RANBP1: variants seen among roughly 807,000 people sequenced by gnomAD.
RANBP1 encodes ran-specific GTPase-activating protein.
A neutral mutation model predicts 31.4 loss-of-function variants in RANBP1; 16 were observed. The ratio of observed to expected loss-of-function variants is 0.51; its 90% confidence interval spans 0.34 to 0.77. The LOEUF is 0.77. RANBP1 is among the 30% of genes least tolerant of loss of function. RANBP1 has a pLI of 0.01. For missense variants in RANBP1, 265 were observed against 362.0 expected (o/e 0.73, Z 2.17); for synonymous variants, 129 against 140.5 (o/e 0.92, Z 0.58).
At chr22:20,122,946 G>T (rs1252670711) in intron 3 of RANBP1, among the ~76,000 whole-genome samples, 3 of 121,162 alleles carry the variant, frequency 2.5e-5, no homozygotes, top group Admixed American at 8.1e-5. Flanking sequence ...GGGTTGTGTG[G>T]TTGGGTGTGG....
At chr22:20,118,960 G>C in intron 1 of RANBP1, 53 bp from the exon 2 acceptor site, 1 of 1,585,726 alleles carries the variant, frequency 6.3e-7, no homozygotes, top group Non-Finnish European at 8.6e-7. Flanking sequence ...GTTGGGCTCT[G>C]GTTGTGAGCC....
chr22:20,118,468 A>T (rs2050098574), intron 1 of RANBP1, among the ~76,000 whole-genome samples: 1 of 152,250 alleles, frequency 6.6e-6, no homozygotes, highest in Non-Finnish European at 1.5e-5. Flanking sequence ...AGAGCTGTGA[A>T]TCCAGTGTAA....
At chr22:20,124,115 T>C (rs1287469574) in intron 3 of RANBP1, 1 of 152,676 alleles carries the variant, frequency 6.5e-6, no homozygotes, top group Non-Finnish European at 1.5e-5. Context: ...AAGCTTGCAC[T>C]CTGGCTGGTC....
intron 1 of RANBP1, 60 bp from the exon 2 acceptor site, chr22:20,118,942 AGGCACTGGTTG>A: frequency 6.7e-7 from 1 of 1,491,858 alleles, no homozygotes; most frequent in Non-Finnish European, 9.2e-7. Flanking sequence ...TGACCACTGC[AGGCACTGGTTG>A]GGCTCTGGTT....
chr22:20,117,748 G>A lies in RANBP1; in HGVS notation c.247-1265G>A. On this transcript the variant is annotated intron_variant, in intron 1 of 5. Coordinates refer to ENST00000430524, the MANE Select transcript of RANBP1 (RefSeq NM_001278639.2). ...GGCCACGTGGGCGGCCCGCGCCGCC[G>A]CCACCAACCTCCGCCGGCCTGCAGG... 6 of 1,081,982 alleles carry A rather than the reference G, an allele frequency of 5.5e-6. No individual in the cohort carries two copies. The South Asian group carries it at 1.3e-4, about 24-fold the overall frequency. 67.0% of individuals were successfully genotyped at this position (1,081,982 alleles called of 1,614,324 possible).
intron 4 of RANBP1, chr22:20,125,677 G>T: frequency 7.2e-7 from 1 of 1,384,366 alleles, no homozygotes; most frequent in Non-Finnish European, 9.4e-7. Context: ...TGCCCGCTCA[G>T]CCGCCTTGTG....
At chr22:20,116,967 C>G (rs2050046230) in intron 1 of RANBP1, 3 of 1,558,232 alleles carry the variant, frequency 1.9e-6, no homozygotes. Flanking sequence ...CCACCTCGTC[C>G]TGGGCCTGTC....
chr22:20,126,671 C>T lies in RANBP1; in HGVS notation c.737-281C>T, dbSNP rs916801030. 1.1e-5 allele frequency: 16 copies of T among 1,509,800 alleles called. No individual in the cohort carries two copies. The African/African-American group carries it at 2.2e-4, about 21-fold the overall frequency. 93.5% of individuals were successfully genotyped at this position (1,509,800 alleles called of 1,614,324 possible). A position where few individuals can be genotyped will look rare whatever the true frequency, so the allele number is the denominator to read the frequency against. ...TGTCTCTCAGAGGGCTTGGTCACCTCTGCCATGAGGCTGGACTGCAGCTGT... is the reference window on the plus strand; with the variant it reads ...TGTCTCTCAGAGGGCTTGGTCACCTTTGCCATGAGGCTGGACTGCAGCTGT... On this transcript the variant is annotated intron_variant, in intron 5 of 5. Coordinates refer to ENST00000430524, the MANE Select transcript of RANBP1 (RefSeq NM_001278639.2).
At chr22:20,117,513 C>T (rs1366935876) in intron 1 of RANBP1, 5 of 966,380 alleles carry the variant, frequency 5.2e-6, no homozygotes, top group South Asian at 1.9e-5. Flanking sequence ...AGGTTCGGGT[C>T]GTGGGGCGGA....
In RANBP1 at chr22:20,116,761, C is replaced by T. The variant is rs1215439572; in HGVS notation, c.246+331C>T. 4.2e-6 allele frequency: 6 copies of T among 1,429,924 alleles called. No individual in the cohort carries two copies. The African/African-American group carries it at 4.2e-5, about 10-fold the overall frequency. The allele number at this position is 1,429,924 out of a possible 1,614,324, so 88.6% of individuals were successfully genotyped here. On this transcript the variant is annotated intron_variant, in intron 1 of 5. Coordinates refer to ENST00000430524, the MANE Select transcript of RANBP1 (RefSeq NM_001278639.2). ...CAGTCTACCCTCCCGACCCCATTCC[C>T]GTCTCCTTTCCTCCCCTATCGCACC... is the stretch of plus-strand genomic sequence containing the variant.
Position 20,125,537 on chromosome 22 carries a change from G to A in RANBP1, c.670+101G>A, listed in dbSNP as rs2050276683. On this transcript the variant is annotated intron_variant, in intron 4 of 5. Coordinates refer to ENST00000430524, the MANE Select transcript of RANBP1 (RefSeq NM_001278639.2). Reference sequence around the variant, plus strand: ...ATGCTGTTGCCTTTTGGGGAGAGGGGGCAGTAACTGGGAAGTGTGTCGTGT... The same window carrying A: ...ATGCTGTTGCCTTTTGGGGAGAGGGAGCAGTAACTGGGAAGTGTGTCGTGT... The A allele has an allele frequency of 1.9e-6, 3 of 1,541,426 alleles. No individual in the cohort carries two copies. In the South Asian group the frequency reaches 3.6e-5, roughly 18 times the overall value.
chr22:20,127,223 C>A lies in RANBP1; in HGVS notation c.*171C>A. On this transcript the variant is annotated 3_prime_UTR_variant, in exon 6 of 6. Coordinates refer to ENST00000430524, the MANE Select transcript of RANBP1 (RefSeq NM_001278639.2). ...TTTTTTTTTGTTTCTAAGTTTTTGC[C>A]CTATTGAAGATGACTTCAGAAAATC... 1 of 483,696 alleles carries A rather than the reference C, an allele frequency of 2.1e-6. No homozygotes were observed. The highest frequency in any genetic ancestry group is 3.6e-6 in the Non-Finnish European group (1 of 280,392). The allele number at this position is 483,696 out of a possible 1,614,324, so 30.0% of individuals were successfully genotyped here.
chr22:20,116,699 C>A, intron 1 of RANBP1: 1 of 1,465,268 alleles, frequency 6.8e-7, no homozygotes, highest in Non-Finnish European at 9.1e-7. Flanking sequence ...ACCCAGACCT[C>A]CGTCGGTGCA....
intron 3 of RANBP1, chr22:20,122,677 A>G: frequency 7.2e-7 from 1 of 1,395,696 alleles, no homozygotes; most frequent in Non-Finnish European, 9.5e-7. Flanking sequence ...CGCAGCGCCC[A>G]GGCTGGGCTC....
intron 1 of RANBP1, chr22:20,117,693 T>TGGGC (rs1479220787): frequency 4.8e-5 from 2 of 42,104 alleles, no homozygotes; most frequent in Non-Finnish European, 5.5e-5. Flanking sequence ...GGGGACAGGG[T>TGGGC]GGGCGGGCGG....
At chr22:20,123,385 G>C (rs1225674040) in intron 3 of RANBP1, among the ~76,000 whole-genome samples, 1 of 96,778 alleles carries the variant, frequency 1.0e-5, no homozygotes. Context: ...TGGTGTCTGG[G>C]GGTGTTGGGG....
chr22:20,116,918 T>A, intron 1 of RANBP1: 1 of 1,533,268 alleles, frequency 6.5e-7, no homozygotes, highest in Non-Finnish European at 8.8e-7. Flanking sequence ...GCCCAGGCGG[T>A]TCTCCGCCTA....
intron 4 of RANBP1, 138 bp downstream of exon 4, chr22:20,125,574 C>T: frequency 2.0e-6 from 3 of 1,530,474 alleles, no homozygotes; most frequent in Non-Finnish European, 2.6e-6. Context: ...GGCTGCCCTG[C>T]CCTGCTGTTT....
intron 5 of RANBP1, chr22:20,126,741 A>G (rs1466751299): frequency 1.4e-6 from 2 of 1,428,144 alleles, no homozygotes; most frequent in East Asian, 2.6e-5. Flanking sequence ...ACCATGGTCT[A>G]GGCAGTGCTT....
Sources: gnomAD v4.1 joint callset for allele counts (sites outside exome capture counted in the v4.1 genomes callset) on GRCh38, gnomAD v4.1.1 for gene constraint, MANE v1.5 for transcripts, NCBI Gene and HGNC (gene_info 2026-07-23, HGNC 2026-07-21) for gene names.